PRRC2C: variants seen among roughly 807,000 people sequenced by gnomAD.
PRRC2C encodes the protein protein PRRC2C.
PRRC2C carries 72 observed loss-of-function variants against 317.2 expected under a neutral mutation model. The observed-to-expected ratio is 0.23, with a 90% CI of 0.19 to 0.28. PRRC2C has a LOEUF of 0.28. PRRC2C is among the 10% of genes least tolerant of loss of function. The pLI, the probability that PRRC2C is intolerant of heterozygous loss-of-function variation, is 1.00. For missense variants in PRRC2C, 3,074 were observed against 3,459.7 expected, an observed-to-expected ratio of 0.89 and a Z score of 2.80; for synonymous variants, 1,296 against 1,205.9, an observed-to-expected ratio of 1.07 and a Z score of -1.55.
intron 1 of PRRC2C, among the ~76,000 whole-genome samples, chr1:171,505,684 A>G (rs992273589): frequency 2.4e-4 from 36 of 152,146 alleles, no homozygotes; most frequent in African/African-American, 6.8e-4. Flanking sequence ...CAAGCATACA[A>G]ACTTTTGACT....
chr1:171,492,738 T>TTTTTTTTA (rs145937281), intron 1 of PRRC2C, among the ~76,000 whole-genome samples: 2 of 144,356 alleles, frequency 1.4e-5, no homozygotes, highest in African/African-American at 5.1e-5. Flanking sequence ...ATTTTTTTAA[T>TTTTTTTTA]TTTATTTATT....
intron 11 of PRRC2C, among the ~76,000 whole-genome samples, chr1:171,529,923 C>A (rs568318859): frequency 6.6e-6 from 1 of 152,192 alleles, no homozygotes; most frequent in Non-Finnish European, 1.5e-5. Flanking sequence ...TCTGTAATCA[C>A]CCTACTGTGA....
At position 171,515,746 on chromosome 1, in the gene PRRC2C, A is replaced by C. The variant is rs1191809561; in HGVS notation, c.413A>C (p.Asn138Thr). 1.2e-6 allele frequency: 2 copies of C among 1,603,374 alleles called. No individual in the cohort carries two copies. The highest frequency in any genetic ancestry group is 1.7e-5 in the Admixed American group (1 of 57,178). The change falls in exon 5 of 35, where the codon AAT becomes ACT. Residue 138 changes from asparagine to threonine, a missense_variant. Asn to Thr is a moderately conservative substitution (Grantham distance 65). Transcript: ENST00000647382. ...AAAAAATCTATAGGAATCCAAGTGA[A>C]TAGTCAGTTTCAGCAAGAATTTCCC... is the stretch of plus-strand genomic sequence containing the variant. The part of the protein sequence containing the change: ...QGGQGDGIQV[N>T]SQFQQEFPSL...
rs373214431 is a variant in PRRC2C at position 171,532,799 on chromosome 1, C to T, written c.1711C>T (p.Arg571Trp). ...RKQEKEKELE[R>W]QKEKEKELQK... ...GCAAGAAAAAGAAAAAGAACTAGAA[C>T]GGCAGAAAGAAAAGGAAAAAGAACT... The change falls in exon 12 of 35, where the codon CGG becomes TGG. Residue 571 changes from arginine (R) to tryptophan (W), a missense_variant. By Grantham distance (101) the Arg-to-Trp change is moderately radical. This residue lies in a region of PRRC2C where 1,320 missense variants were observed against 1,395.7 expected (regional missense o/e 0.95). Transcript: ENST00000647382. The T allele has an allele frequency of 4.0e-5, 62 of 1,566,428 alleles. No individual in the cohort carries two copies. Among genetic ancestry groups the T allele is most frequent in the African/African-American group, 3.0e-4 (22 of 72,326 alleles).
At chr1:171,514,419 T>G in intron 3 of PRRC2C, 117 bp from the exon 4 acceptor site, 1 of 714,124 alleles carries the variant, frequency 1.4e-6, no homozygotes, top group Middle Eastern at 3.6e-4. Context: ...TATTGGAGAT[T>G]TACCAATGAA....
rs35348195 is a variant in PRRC2C, at chr1:171,582,857, T to TAAA, written c.7410-1088_7410-1086dup. Among the ~76,000 whole-genome samples the TAAA allele has an allele frequency of 6.4e-3, 947 of 147,962 alleles. 6 individuals carry two copies. Among genetic ancestry groups the TAAA allele is most frequent in the African/African-American group, 0.012 (478 of 40,272 alleles). The stretch of plus-strand genomic sequence containing the variant: ...TACACTGTGGGTACACTAAATTTGT[T>TAAA]AAAAAAAAAAAAACAAATTTTTCTT... On this transcript the variant is annotated intron_variant, in intron 28 of 34. Coordinates refer to ENST00000647382, the MANE Select transcript of PRRC2C (RefSeq NM_001387844.1).
At chr1:171,550,809 A>G (rs530675569) in intron 18 of PRRC2C, among the ~76,000 whole-genome samples, 5 of 151,920 alleles carry the variant, frequency 3.3e-5, no homozygotes, top group African/African-American at 9.7e-5. Flanking sequence ...ATCCTTTTTT[A>G]TGGCTGCATA....
chr1:171,587,288 T>C (rs985457553), intron 31 of PRRC2C, 67 bp downstream of exon 31: 3 of 1,386,340 alleles, frequency 2.2e-6, no homozygotes, highest in African/African-American at 2.9e-5. Flanking sequence ...TATATGCATC[T>C]GTGTTATCTA....
At chr1:171,489,286 GATTT>G (rs1318178355) in intron 1 of PRRC2C, among the ~76,000 whole-genome samples, 1 of 152,186 alleles carries the variant, frequency 6.6e-6, no homozygotes, top group Non-Finnish European at 1.5e-5. Context: ...TGCATTGTGA[GATTT>G]ATTTACATCT....
intron 23 of PRRC2C, 73 bp downstream of exon 23, chr1:171,568,412 GT>G: frequency 2.6e-6 from 4 of 1,525,418 alleles, no homozygotes; most frequent in Non-Finnish European, 2.6e-6. Flanking sequence ...ATTATTTCAT[GT>G]TTTATTTACT....
At chr1:171,538,595 C>T (rs1280125865) in intron 15 of PRRC2C, among the ~76,000 whole-genome samples, 1 of 152,096 alleles carries the variant, frequency 6.6e-6, no homozygotes, top group Admixed American at 6.5e-5. Flanking sequence ...TAAGCTTACT[C>T]AAGTGTACTC....
chr1:171,504,028 C>T (rs1401846896), intron 1 of PRRC2C, among the ~76,000 whole-genome samples: 2 of 152,090 alleles, frequency 1.3e-5, no homozygotes, highest in Admixed American at 6.5e-5. Context: ...GAGGGAGGTA[C>T]AATTCAAGAT....
intron 1 of PRRC2C, chr1:171,509,987 G>A (rs1027188755): frequency 6.6e-6 from 1 of 151,580 alleles, no homozygotes; most frequent in Non-Finnish European, 1.5e-5. Context: ...GAGTAGCTGG[G>A]ATTACAGGTG....
rs72717836 is a variant in PRRC2C at position 171,546,232 on chromosome 1, A to T, written c.4972+545A>T. On this transcript the variant is annotated intron_variant, in intron 17 of 34. Coordinates refer to ENST00000647382, the MANE Select transcript of PRRC2C (RefSeq NM_001387844.1). ...AATACAAGCAACAAGAAAATATTGG[A>T]TGAAGAAAAAACAGACAAGGAATAT... 8.9e-3 allele frequency among the ~76,000 whole-genome samples: 1,351 copies of T among 152,356 alleles called. 3 individuals are homozygous for T. Among genetic ancestry groups the T allele is most frequent in the Non-Finnish European group, 0.013 (851 of 68,032 alleles).
chr1:171,560,250 G>A (rs1468118475), intron 19 of PRRC2C, among the ~76,000 whole-genome samples: 2 of 152,174 alleles, frequency 1.3e-5, no homozygotes, highest in Non-Finnish European at 2.9e-5. Flanking sequence ...TGACTTGGAG[G>A]AATTCAAGAC....
At chr1:171,544,717 A>G (rs1184673340) in intron 16 of PRRC2C, among the ~76,000 whole-genome samples, 1 of 152,224 alleles carries the variant, frequency 6.6e-6, no homozygotes, top group Non-Finnish European at 1.5e-5. Context: ...ACCTGTAGAA[A>G]TGGCAGTGAC....
intron 1 of PRRC2C, among the ~76,000 whole-genome samples, chr1:171,507,382 C>T (rs534386121): frequency 2.0e-5 from 3 of 152,166 alleles, no homozygotes; most frequent in African/African-American, 7.2e-5. Context: ...AGGCCGAGGA[C>T]GGTGGATCAC....
rs779251074 is a variant in PRRC2C at position 171,579,917 on chromosome 1, T to G, written c.7362T>G (p.Ala2454=). The change falls in exon 28 of 35, where the codon GCT becomes GCG. Residue 2454 remains alanine (A), a synonymous_variant. Transcript: ENST00000647382. ...QAQLSLGAGP[A]VSQAQELFSS... The stretch of plus-strand genomic sequence containing the variant: ...AACTGAGTTTGGGGGCTGGCCCTGC[T>G]GTTTCCCAGGCTCAGGAATTGTTCA... 6.3e-7 allele frequency: 1 copy of G among 1,597,308 alleles called. No individual in the cohort carries two copies. The highest frequency in any genetic ancestry group is 8.5e-7 in the Non-Finnish European group (1 of 1,173,914).
At position 171,541,511 on chromosome 1, in the gene PRRC2C, A is replaced by T. The variant is rs763954674; in HGVS notation, c.4045A>T (p.Thr1349Ser). The change falls in exon 16 of 35, where the codon ACA (threonine) becomes TCA (serine). Residue 1349 changes from threonine to serine, a missense_variant. By Grantham distance (58) the Thr-to-Ser change is moderately conservative (BLOSUM62 1). Around this residue, in one of 11 missense-constraint regions of PRRC2C, gnomAD observed 1,320 missense variants for 1,395.7 expected, o/e 0.95. Transcript: ENST00000647382. The surrounding 1 kb of genome is among the most constrained non-coding windows in gnomAD (Gnocchi z 4.1). ...GEPTRRGRGG[T>S]FRRGGRDPGG... Reference sequence around the variant, plus strand: ...GCCTACAAGGAGAGGCAGAGGGGGAACATTCAGGCGTGGTGGAAGGGATCC... The same window carrying T: ...GCCTACAAGGAGAGGCAGAGGGGGATCATTCAGGCGTGGTGGAAGGGATCC... The T allele has an allele frequency of 6.2e-7, 1 of 1,613,538 alleles. No individual in the cohort carries two copies. The highest frequency in any genetic ancestry group is 1.3e-5 in the African/African-American group (1 of 74,920).
Sources: allele counts gnomAD v4.1 joint callset (sites outside exome capture counted in the v4.1 genomes callset), GRCh38; gene constraint gnomAD v4.1.1; regional missense constraint gnomAD v4.1.1; non-coding constraint Gnocchi (gnomAD v3.1); transcripts MANE v1.5; gene names NCBI Gene and HGNC (gene_info 2026-07-23, HGNC 2026-07-21).